The following CDK6 variants were observed in gnomAD, a reference collection of about 807,000 sequenced individuals.
The protein encoded by CDK6 is cyclin-dependent kinase 6.
Under a neutral mutation model 37.1 loss-of-function variants are expected in CDK6, and 6 were observed. The observed-to-expected ratio is 0.16, with a 90% confidence interval of 0.09 to 0.32. The LOEUF (loss-of-function observed/expected upper bound fraction) is 0.32, where lower values mean the gene tolerates loss of function less well. CDK6 is among the 10% of genes least tolerant of loss of function. The pLI, the probability that CDK6 is intolerant of heterozygous loss-of-function variation, is 1.00. For synonymous variants in CDK6, 160 were observed against 161.3 expected (o/e 0.99, Z 0.06); for missense variants, 224 against 418.9 (o/e 0.53, Z 4.06).
intron 4 of CDK6, among the ~76,000 whole-genome samples, chr7:92,723,675 A>G (rs890312220): frequency 6.6e-6 from 1 of 152,142 alleles, no homozygotes; most frequent in Non-Finnish European, 1.5e-5. Context: ...TCTTTCCAAT[A>G]AAGTCTGATT....
At chr7:92,748,695 T>C (rs909766697) in intron 3 of CDK6, among the ~76,000 whole-genome samples, 1 of 152,060 alleles carries the variant, frequency 6.6e-6, no homozygotes, top group Non-Finnish European at 1.5e-5. Flanking sequence ...ATAAATAAAA[T>C]GAAATAAGCA....
chr7:92,655,633 A>T (rs1796678464), intron 5 of CDK6, among the ~76,000 whole-genome samples: 1 of 152,238 alleles, frequency 6.6e-6, no homozygotes, highest in Non-Finnish European at 1.5e-5. Flanking sequence ...TTGTTGCCCA[A>T]CTTTCAAAGT....
rs543680248 is a variant in CDK6, at chr7:92,794,317, A to G, written c.234-19486T>C. 1.6e-4 allele frequency among the ~76,000 whole-genome samples: 25 copies of G among 152,252 alleles called. 1 individual carries two copies. Among genetic ancestry groups the G allele is most frequent in the Admixed American group, 1.4e-3 (21 of 15,276 alleles). ...GAGAAGAATTAAGGTATAGAAGTTT[A>G]GTAAATTGCCCAGCATCCTAAAGAC... On this transcript the variant is annotated intron_variant, in intron 2 of 7. Coordinates refer to ENST00000424848, the MANE Select transcript of CDK6 (RefSeq NM_001145306.2).
At chr7:92,615,534 G>A (rs970041844) in intron 7 of CDK6, among the ~76,000 whole-genome samples, 2 of 152,146 alleles carry the variant, frequency 1.3e-5, no homozygotes, top group African/African-American at 4.8e-5. Flanking sequence ...TTCTCACTAA[G>A]CCATTAAAGT....
chr7:92,611,943 T>C lies in CDK6; in HGVS notation c.*3197A>G, dbSNP rs1486957789. Reference sequence around the variant, plus strand: ...CAAGCTTTCTTCCAAAACAGGTTCTTTGCACCTTGAGTTCCCATCCACTTC... The same window carrying C: ...CAAGCTTTCTTCCAAAACAGGTTCTCTGCACCTTGAGTTCCCATCCACTTC... On this transcript the variant is annotated 3_prime_UTR_variant, in exon 8 of 8. Transcript: ENST00000424848. 1 of 232,770 alleles carries C rather than the reference T, an allele frequency of 4.3e-6. No individual in the cohort carries two copies. The highest frequency in any genetic ancestry group is 6.0e-5 in the East Asian group (1 of 16,536). The allele number at this position is 232,770 out of a possible 1,614,324, so 14.4% of individuals were successfully genotyped here. A position where few individuals can be genotyped will look rare whatever the true frequency, so the allele number is the denominator to read the frequency against.
chr7:92,671,649 C>A, intron 4 of CDK6, 114 bp from the exon 5 acceptor site: 1 of 485,418 alleles, frequency 2.1e-6, no homozygotes, highest in Non-Finnish European at 3.7e-6. Context: ...TCCTATAAAT[C>A]ATATAAGGAC....
At chr7:92,788,795 G>A (rs1342973249) in intron 2 of CDK6, among the ~76,000 whole-genome samples, 2 of 152,080 alleles carry the variant, frequency 1.3e-5, no homozygotes, top group South Asian at 2.1e-4. Context: ...ACTATGGAGG[G>A]CAGAAGGCAG....
At chr7:92,631,740 A>C (rs1028350588) in intron 5 of CDK6, among the ~76,000 whole-genome samples, 1 of 152,112 alleles carries the variant, frequency 6.6e-6, no homozygotes, top group Non-Finnish European at 1.5e-5. Flanking sequence ...TGACAAGGAG[A>C]TTTCATCCAG....
At chr7:92,661,285 C>T (rs1796829275) in intron 5 of CDK6, among the ~76,000 whole-genome samples, 1 of 152,178 alleles carries the variant, frequency 6.6e-6, no homozygotes, top group African/African-American at 2.4e-5. Context: ...GGGATGACAA[C>T]AGTGCCCCTT....
intron 4 of CDK6, among the ~76,000 whole-genome samples, chr7:92,695,558 C>T (rs540004663): frequency 5.3e-5 from 8 of 152,312 alleles, no homozygotes; most frequent in Admixed American, 2.6e-4. Flanking sequence ...GCTAAATAAG[C>T]GTATCTGCAT....
intron 3 of CDK6, among the ~76,000 whole-genome samples, chr7:92,733,245 T>C (rs1164087779): frequency 2.0e-5 from 3 of 152,168 alleles, no homozygotes; most frequent in Admixed American, 2.0e-4. Flanking sequence ...TGTACCTCCT[T>C]CCATTAATGT....
intron 3 of CDK6, among the ~76,000 whole-genome samples, chr7:92,732,786 CT>C (rs1322242072): frequency 6.6e-6 from 1 of 152,176 alleles, no homozygotes; most frequent in African/African-American, 2.4e-5. Context: ...CAGTAGAATG[CT>C]CTCTGCTGTA....
chr7:92,748,548 A>T (rs1033301080), intron 3 of CDK6, among the ~76,000 whole-genome samples: 1 of 152,174 alleles, frequency 6.6e-6, no homozygotes, highest in African/African-American at 2.4e-5. Context: ...CTACATTTTA[A>T]CTCATTTGAC....
intron 2 of CDK6, 108 bp from the exon 3 acceptor site, chr7:92,774,939 G>A: frequency 1.0e-6 from 1 of 954,610 alleles, no homozygotes; most frequent in African/African-American, 1.7e-5. Context: ...AAAAAGGCCA[G>A]TGTTGATCAT....
At chr7:92,814,189 A>G (rs1800963188) in intron 2 of CDK6, among the ~76,000 whole-genome samples, 1 of 152,178 alleles carries the variant, frequency 6.6e-6, no homozygotes, top group Admixed American at 6.5e-5. Context: ...ATGGTATATC[A>G]ACAGTATGAA....
intron 4 of CDK6, among the ~76,000 whole-genome samples, chr7:92,722,635 A>G (rs988138729): frequency 3.3e-5 from 5 of 152,220 alleles, no homozygotes; most frequent in African/African-American, 1.2e-4. Flanking sequence ...ATTACCAGGT[A>G]GCTATGAGGA....
chr7:92,804,516 C>T (rs562891851), intron 2 of CDK6, among the ~76,000 whole-genome samples: 1 of 152,274 alleles, frequency 6.6e-6, no homozygotes, highest in South Asian at 2.1e-4. Flanking sequence ...TCTTGGTTTT[C>T]CTCTTCTTGC....
chr7:92,812,174 A>C (rs966210863), intron 2 of CDK6, among the ~76,000 whole-genome samples: 1 of 152,102 alleles, frequency 6.6e-6, no homozygotes, highest in Non-Finnish European at 1.5e-5. Context: ...AACACTTAAA[A>C]GGTACCTAAC....
In CDK6 at chr7:92,614,990, T is replaced by G; in HGVS notation, c.*150A>C. The stretch of plus-strand genomic sequence containing the variant: ...ATTTCAAAACAGTAAACTAGGCGGT[T>G]TCCTTGGAGAAGCAGAGCCTGTCCA... On this transcript the variant is annotated 3_prime_UTR_variant, in exon 8 of 8. Transcript: ENST00000424848. 1 of 667,418 alleles carries G rather than the reference T, an allele frequency of 1.5e-6. No individual in the cohort carries two copies. Among genetic ancestry groups the G allele is most frequent in the Non-Finnish European group, 2.5e-6 (1 of 398,016 alleles). The allele number at this position is 667,418 out of a possible 1,614,324, so 41.3% of individuals were successfully genotyped here.
Sources: allele counts gnomAD v4.1 joint callset (sites outside exome capture counted in the v4.1 genomes callset), GRCh38; gene constraint gnomAD v4.1.1; transcripts MANE v1.5; gene names NCBI Gene and HGNC (gene_info 2026-07-23, HGNC 2026-07-21).